The following GNG12 variants were observed in gnomAD, a reference collection of about 807,000 sequenced individuals.
The protein encoded by GNG12 is guanine nucleotide-binding protein G(I)/G(S)/G(O) subunit gamma-12.
For synonymous variants in GNG12, 28 were observed against 29.7 expected, an observed-to-expected ratio of 0.94 and a Z score of 0.19; for missense variants, 69 against 83.8, an observed-to-expected ratio of 0.82 and a Z score of 0.69.
chr1:67,743,169 C>T (rs1387499766), intron 2 of GNG12, among the ~76,000 whole-genome samples: 2 of 152,052 alleles, frequency 1.3e-5, no homozygotes, highest in African/African-American at 2.4e-5. Flanking sequence ...AGCCACCTTC[C>T]GGGATCTGCA....
chr1:67,758,411 T>C (rs964205136), intron 2 of GNG12, among the ~76,000 whole-genome samples: 4 of 152,212 alleles, frequency 2.6e-5, no homozygotes, highest in African/African-American at 9.7e-5. Context: ...TATTTCGCCA[T>C]GACGATGAAA....
intron 2 of GNG12, among the ~76,000 whole-genome samples, chr1:67,746,516 C>T (rs549961193): frequency 6.6e-6 from 1 of 151,948 alleles, no homozygotes; most frequent in Non-Finnish European, 1.5e-5. Flanking sequence ...GGAAGGCATT[C>T]GGAGGGAGCT....
intron 2 of GNG12, among the ~76,000 whole-genome samples, chr1:67,752,598 G>T (rs777922562): frequency 2.6e-5 from 4 of 152,264 alleles, no homozygotes; most frequent in African/African-American, 4.8e-5. Context: ...GAGTCATGGT[G>T]TTCTTTCCTG....
intron 2 of GNG12, among the ~76,000 whole-genome samples, chr1:67,715,266 C>T: frequency 6.6e-6 from 1 of 152,158 alleles, no homozygotes; most frequent in South Asian, 2.1e-4. Flanking sequence ...AAGCGGCCAA[C>T]CCTGCCAATG....
chr1:67,779,650 C>A (rs1646725931), intron 1 of GNG12, among the ~76,000 whole-genome samples: 1 of 152,184 alleles, frequency 6.6e-6, no homozygotes, highest in African/African-American at 2.4e-5. Flanking sequence ...TCCTTGACTG[C>A]CTCAGCAACA....
intron 2 of GNG12, among the ~76,000 whole-genome samples, chr1:67,729,312 G>A (rs948220187): frequency 2.6e-5 from 4 of 152,084 alleles, no homozygotes; most frequent in African/African-American, 9.7e-5. Context: ...TCATCCAGAC[G>A]GCCTGCCAGG....
chr1:67,830,436 T>C lies in GNG12; in HGVS notation c.-77+2908A>G, dbSNP rs111907541. ...ATAAAACAACGACTCACAATCAGCCTAACACTTCTTATGGCTTATCTGTTG... is the reference window on the plus strand; with the variant it reads ...ATAAAACAACGACTCACAATCAGCCCAACACTTCTTATGGCTTATCTGTTG... On this transcript the variant is annotated intron_variant, in intron 1 of 3. Transcript: ENST00000370982. Among the ~76,000 whole-genome samples the C allele has an allele frequency of 9.0e-3, 1,364 of 152,294 alleles. 5 individuals are homozygous for C. The highest frequency in any genetic ancestry group is 0.014 in the Non-Finnish European group (928 of 68,028).
intron 2 of GNG12, among the ~76,000 whole-genome samples, chr1:67,747,261 A>T (rs1646512892): frequency 6.6e-6 from 1 of 152,184 alleles, no homozygotes; most frequent in Non-Finnish European, 1.5e-5. Flanking sequence ...CTGGGACTAC[A>T]GGTGTGTGCC....
chr1:67,803,295 C>A (rs1261463035), intron 1 of GNG12, among the ~76,000 whole-genome samples: 1 of 152,130 alleles, frequency 6.6e-6, no homozygotes, highest in Non-Finnish European at 1.5e-5. Context: ...AGGAGGATTG[C>A]TTGAGGCTGG....
rs1318644233 is a variant in GNG12, at chr1:67,709,950, T to TTA, written c.-26-2240_-26-2239dup. Among the ~76,000 whole-genome samples the TTA allele has an allele frequency of 1.9e-3, 40 of 20,940 alleles. 2 individuals carry two copies. The highest frequency in any genetic ancestry group is 3.6e-3 in the South Asian group (2 of 550). The allele number at this position is 20,940 out of a possible 152,430, so 13.7% of individuals were successfully genotyped here. ...TATATATATAGTTATATATATATAGTTATATATATAGTTATATATATAGTT... is the reference window on the plus strand; with the variant it reads ...TATATATATAGTTATATATATATAGTTATATATATATAGTTATATATATAGTT... On this transcript the variant is annotated intron_variant, in intron 2 of 3. Transcript: ENST00000370982.
intron 1 of GNG12, among the ~76,000 whole-genome samples, chr1:67,823,246 ATCTC>A (rs565621530): frequency 6.1e-4 from 93 of 152,284 alleles, no homozygotes; most frequent in South Asian, 1.0e-3. Flanking sequence ...TATATTCTCA[ATCTC>A]TCTCTTTTGT....
chr1:67,776,912 C>T (rs973514685), intron 2 of GNG12, among the ~76,000 whole-genome samples: 3 of 152,088 alleles, frequency 2.0e-5, no homozygotes, highest in Non-Finnish European at 4.4e-5. Context: ...ATATGAAGCC[C>T]CGGAAGCTTT....
intron 2 of GNG12, among the ~76,000 whole-genome samples, chr1:67,709,388 G>C (rs1430092053): frequency 6.6e-6 from 1 of 152,074 alleles, no homozygotes; most frequent in African/African-American, 2.4e-5. Flanking sequence ...TGGGGCTATC[G>C]GCACCAGCCC....
intron 2 of GNG12, among the ~76,000 whole-genome samples, chr1:67,748,302 G>A (rs1158817653): frequency 1.3e-5 from 2 of 152,160 alleles, no homozygotes; most frequent in African/African-American, 4.8e-5. Context: ...GAAATTCCTG[G>A]CTTTCCAGAG....
intron 2 of GNG12, among the ~76,000 whole-genome samples, chr1:67,750,136 A>G (rs1646529909): frequency 6.6e-6 from 1 of 152,206 alleles, no homozygotes; most frequent in Non-Finnish European, 1.5e-5. Flanking sequence ...AACCTTTCCT[A>G]ATAAGGTAAT....
At chr1:67,711,867 T>C (rs1269492970) in intron 2 of GNG12, among the ~76,000 whole-genome samples, 1 of 152,198 alleles carries the variant, frequency 6.6e-6, no homozygotes, top group East Asian at 1.9e-4. Flanking sequence ...ACTGGGCCAC[T>C]GGAAAGGAAG....
At chr1:67,781,623 G>A (rs888302686) in intron 1 of GNG12, among the ~76,000 whole-genome samples, 1 of 152,162 alleles carries the variant, frequency 6.6e-6, no homozygotes, top group African/African-American at 2.4e-5. Context: ...GCTGTAGGGA[G>A]GAGTATTGAA....
At position 67,705,552 on chromosome 1, in the gene GNG12, T is replaced by C. The variant is rs147603186; in HGVS notation, c.118A>G (p.Met40Val). 749 of 1,611,456 alleles carry C rather than the reference T, an allele frequency of 4.6e-4. 1 individual carries two copies. The highest frequency in any genetic ancestry group is 5.5e-4 in the Non-Finnish European group (652 of 1,179,334). The change falls in exon 4 of 4, where the codon ATG becomes GTG. Residue 40 changes from methionine (M) to valine (V), a missense_variant. Met to Val is a conservative substitution (Grantham distance 21, BLOSUM62 1). Transcript: ENST00000370982. ...IKVSKASADL[M>V]SYCEEHARSD... is the part of the protein sequence containing the mutation. ...CTGGCATGTTCCTCACAGTAGGACA[T>C]GAGGTCCGCTGATGCCTTCGAAACC...
chr1:67,740,233 G>A (rs770860693), intron 2 of GNG12, among the ~76,000 whole-genome samples: 14 of 152,152 alleles, frequency 9.2e-5, no homozygotes, highest in South Asian at 2.1e-4. Flanking sequence ...GAATTAATTC[G>A]CTATACAGGG....
Sources: allele counts gnomAD v4.1 joint callset (sites outside exome capture counted in the v4.1 genomes callset), GRCh38; gene constraint gnomAD v4.1.1; transcripts MANE v1.5; gene names NCBI Gene and HGNC (gene_info 2026-07-23, HGNC 2026-07-21).